ZBTB38: variants seen among roughly 807,000 people sequenced by gnomAD.
ZBTB38 encodes the protein zinc finger and BTB domain containing 38.
Under a neutral mutation model 76.8 loss-of-function variants are expected in ZBTB38, and 20 were observed. The ratio of observed to expected loss-of-function variants is 0.26; its 90% CI spans 0.18 to 0.38. The LOEUF is 0.38. Among genes scored for constraint, ZBTB38 ranks in the 10% least tolerant of loss-of-function variants. The pLI is 1.00. For missense variants in ZBTB38, 1,082 were observed against 1,482.3 expected (o/e 0.73, Z 4.43); for synonymous variants, 504 against 544.2 (o/e 0.93, Z 1.03).
intron 1 of ZBTB38, chr3:141,324,583 G>C (rs180910085): frequency 3.5e-4 from 54 of 152,234 alleles, no homozygotes; most frequent in Admixed American, 3.4e-3. Flanking sequence ...TAAATCAATA[G>C]AATAAGCTTC....
intron 5 of ZBTB38, among the ~76,000 whole-genome samples, chr3:141,423,076 C>T (rs1242157381): frequency 6.6e-6 from 1 of 152,162 alleles, no homozygotes; most frequent in Non-Finnish European, 1.5e-5. Context: ...TTGGGGTCAG[C>T]CTGGCCTGAG....
At chr3:141,391,160 T>C (rs1948755349) in intron 4 of ZBTB38, among the ~76,000 whole-genome samples, 1 of 151,202 alleles carries the variant, frequency 6.6e-6, no homozygotes, top group Non-Finnish European at 1.5e-5. Context: ...ACTCTTTCTC[T>C]AAAAAAAAAT....
At chr3:141,411,225 C>G (rs900872215) in intron 5 of ZBTB38, among the ~76,000 whole-genome samples, 3 of 152,194 alleles carry the variant, frequency 2.0e-5, no homozygotes, top group Admixed American at 6.5e-5. Flanking sequence ...TACTTTTGTG[C>G]GTTTTCATGT....
intron 4 of ZBTB38, chr3:141,402,314 C>G (rs1172085698): frequency 1.3e-5 from 2 of 151,820 alleles, no homozygotes; most frequent in Non-Finnish European, 2.9e-5. Flanking sequence ...GCGCCGGGGG[C>G]GGGCCGGGCC....
rs144173500 is a variant in ZBTB38, at chr3:141,329,300, C to T, written c.-739+4844C>T. Among the ~76,000 whole-genome samples, 266 of 152,270 alleles carry T rather than the reference C, an allele frequency of 1.7e-3. 5 individuals are homozygous for T. The highest frequency in any genetic ancestry group is 0.014 in the Admixed American group (217 of 15,294). On this transcript the variant is annotated intron_variant, in intron 1 of 7. Transcript: ENST00000509842. Reference sequence around the variant, plus strand: ...TCCTCCCATCCTTCATGCCATTCAACGAAAGGAATTAGAGAAATGCCTTCA... The same window carrying T: ...TCCTCCCATCCTTCATGCCATTCAATGAAAGGAATTAGAGAAATGCCTTCA...
intron 2 of ZBTB38, among the ~76,000 whole-genome samples, chr3:141,374,374 T>C (rs1356108879): frequency 1.3e-5 from 2 of 152,182 alleles, no homozygotes; most frequent in African/African-American, 4.8e-5. Flanking sequence ...TGAGGAATGA[T>C]GGATGAGTCA....
At position 141,440,304 on chromosome 3, in the gene ZBTB38, T is replaced by G. The variant is rs546752258; in HGVS notation, c.1-2085T>G. On this transcript the variant is annotated intron_variant, in intron 5 of 5. Coordinates refer to ENST00000321464, the MANE Select transcript of ZBTB38 (RefSeq NM_001376113.1). ...TGTTCTCATTATCTGAATTGAAGAATTTGTTAGTAGAAAGGTACTTTTTTC... is the reference window on the plus strand; with the variant it reads ...TGTTCTCATTATCTGAATTGAAGAAGTTGTTAGTAGAAAGGTACTTTTTTC... Among the ~76,000 whole-genome samples the G allele has an allele frequency of 7.9e-5, 12 of 152,320 alleles. No individual in the cohort carries two copies. In the South Asian group the frequency reaches 2.3e-3, roughly 29 times the overall value.
intron 4 of ZBTB38, among the ~76,000 whole-genome samples, chr3:141,401,079 G>A (rs552828904): frequency 1.3e-5 from 2 of 152,260 alleles, no homozygotes; most frequent in East Asian, 1.9e-4. Context: ...ATACAAACAT[G>A]CAATTATTAA....
At chr3:141,409,030 T>A (rs1429537811) in intron 5 of ZBTB38, among the ~76,000 whole-genome samples, 1 of 152,076 alleles carries the variant, frequency 6.6e-6, no homozygotes, top group Non-Finnish European at 1.5e-5. Context: ...ATTGTAGAGA[T>A]GGGAGTTTAT....
At chr3:141,376,274 A>C (rs909149718) in intron 2 of ZBTB38, among the ~76,000 whole-genome samples, 1 of 152,152 alleles carries the variant, frequency 6.6e-6, no homozygotes, top group Non-Finnish European at 1.5e-5. Flanking sequence ...CCATGCCTAC[A>C]TCTATGCTGA....
rs2080766225 is a variant in ZBTB38 at position 141,444,134 on chromosome 3, A to G, written c.1746A>G (p.Arg582=). ...AGAGAGCCCCTTATAAGAGCTACCG[A>G]AATTCTTCCTATGAAAATGCACGAG... ...KCKRAPYKSY[R]NSSYENAREN... The change falls in exon 6 of 6, where the codon CGA becomes CGG. Residue 582 remains arginine (R), a synonymous_variant. Coordinates refer to ENST00000321464, the MANE Select transcript of ZBTB38 (RefSeq NM_001376113.1). This position sits in a 1 kb window ranked among gnomAD's most constrained non-coding sequence, Gnocchi z 5.1. The G allele has an allele frequency of 6.2e-7, 1 of 1,613,852 alleles. No individual in the cohort carries two copies. The highest frequency in any genetic ancestry group is 1.3e-5 in the African/African-American group (1 of 74,878).
intron 1 of ZBTB38, among the ~76,000 whole-genome samples, chr3:141,324,618 A>G (rs1942619120): frequency 6.6e-6 from 1 of 152,234 alleles, no homozygotes; most frequent in Admixed American, 6.5e-5. Flanking sequence ...TTTATCTATT[A>G]TTGATTCCCC....
intron 1 of ZBTB38, among the ~76,000 whole-genome samples, chr3:141,333,758 C>G (rs1313530610): frequency 1.3e-5 from 2 of 152,174 alleles, no homozygotes; most frequent in Non-Finnish European, 2.9e-5. Flanking sequence ...TTTTGGAGCA[C>G]ACACTCACTG....
At chr3:141,435,725 A>G (rs1050742697) in intron 5 of ZBTB38, among the ~76,000 whole-genome samples, 1 of 151,748 alleles carries the variant, frequency 6.6e-6, no homozygotes, top group Non-Finnish European at 1.5e-5. Flanking sequence ...GCACCACTGC[A>G]CTCCAGCCTG....
At chr3:141,419,859 G>A (rs1289009462) in intron 5 of ZBTB38, among the ~76,000 whole-genome samples, 1 of 152,134 alleles carries the variant, frequency 6.6e-6, no homozygotes, top group Non-Finnish European at 1.5e-5. Flanking sequence ...GGTGGTGCAT[G>A]CCTATAATCC....
intron 4 of ZBTB38, among the ~76,000 whole-genome samples, chr3:141,393,044 G>A (rs1949352505): frequency 6.6e-6 from 1 of 152,150 alleles, no homozygotes; most frequent in Non-Finnish European, 1.5e-5. Context: ...CCTGCTCAGG[G>A]TTCAAGACTG....
intron 1 of ZBTB38, among the ~76,000 whole-genome samples, chr3:141,329,221 T>C (rs1942768451): frequency 6.6e-6 from 1 of 152,240 alleles, no homozygotes; most frequent in Admixed American, 6.5e-5. Context: ...GCCCAGCACA[T>C]GGCCAGTGCT....
chr3:141,339,880 T>C (rs1943121536), intron 1 of ZBTB38, among the ~76,000 whole-genome samples: 1 of 152,220 alleles, frequency 6.6e-6, no homozygotes, highest in Non-Finnish European at 1.5e-5. Flanking sequence ...TGTTGACGTC[T>C]TGATGATCTT....
chr3:141,333,917 T>C (rs1942928933), intron 1 of ZBTB38, among the ~76,000 whole-genome samples: 1 of 152,170 alleles, frequency 6.6e-6, no homozygotes, highest in African/African-American at 2.4e-5. Context: ...GGCCAATTTT[T>C]CAGCTTTGAC....
Sources: gnomAD v4.1 joint callset for allele counts (sites outside exome capture counted in the v4.1 genomes callset) on GRCh38, gnomAD v4.1.1 for gene constraint, Gnocchi (gnomAD v3.1) non-coding constraint, MANE v1.5 for transcripts, NCBI Gene and HGNC (gene_info 2026-07-23, HGNC 2026-07-21) for gene names.